The following DCTN5 variants were observed in gnomAD, a reference collection of about 807,000 sequenced individuals.
DCTN5 encodes dynactin subunit 5.
DCTN5 carries 14 observed loss-of-function variants against 23.5 expected under a neutral mutation model. The ratio of observed to expected loss-of-function variants is 0.60; its 90% CI spans 0.39 to 0.93. The LOEUF is 0.93. Among genes scored for constraint, DCTN5 ranks in the 40% least tolerant of loss-of-function variants. The pLI is 0.00. For missense variants in DCTN5, 156 were observed against 225.9 expected (o/e 0.69, Z 1.98); for synonymous variants, 67 against 79.6 (o/e 0.84, Z 0.84).
Position 23,668,946 on chromosome 16 carries a change from C to T in DCTN5, c.*1802C>T, listed in dbSNP as rs754338324. ...AATCCAGTCTGGGTCATGACCTTTT[C>T]TTCATCCAAAACAAGGTGATGGGAA... is the stretch of plus-strand genomic sequence containing the variant. On this transcript the variant is annotated 3_prime_UTR_variant, in exon 6 of 6. Coordinates refer to ENST00000300087, the MANE Select transcript of DCTN5 (RefSeq NM_032486.4). 1 of 152,596 alleles carries T rather than the reference C, an allele frequency of 6.6e-6. No individual in the cohort carries two copies. Among genetic ancestry groups the T allele is most frequent in the Non-Finnish European group, 1.5e-5 (1 of 68,046 alleles). The allele number at this position is 152,596 out of a possible 1,614,324, so 9.5% of individuals were successfully genotyped here.
At chr16:23,662,141 C>A (rs1967824476) in intron 4 of DCTN5, among the ~76,000 whole-genome samples, 1 of 151,932 alleles carries the variant, frequency 6.6e-6, no homozygotes. Flanking sequence ...TGATTATTAG[C>A]CATGCTGCTA....
rs908629416 is a variant in DCTN5, at chr16:23,668,787, T to A, written c.*1643T>A. 1.3e-5 allele frequency: 2 copies of A among 152,174 alleles called. No individual in the cohort carries two copies. The highest frequency in any genetic ancestry group is 2.9e-5 in the Non-Finnish European group (2 of 68,022). The allele number at this position is 152,174 out of a possible 1,614,324, so 9.4% of individuals were successfully genotyped here. The stretch of plus-strand genomic sequence containing the variant: ...AGCTCCAGACCTGCATCCTCCTAGC[T>A]TGGGGGCTCTGAATGAAAGGTTTCT... On this transcript the variant is annotated 3_prime_UTR_variant, in exon 6 of 6. Transcript: ENST00000300087.
Position 23,677,385 on chromosome 16 carries a change from T to C in DCTN5, c.*10241T>C, listed in dbSNP as rs1190788698. 6.6e-6 allele frequency: 1 copy of C among 152,244 alleles called. No homozygotes were observed. Among genetic ancestry groups the C allele is most frequent in the African/African-American group, 2.4e-5 (1 of 41,464 alleles). 9.4% of individuals were successfully genotyped at this position (152,244 alleles called of 1,614,324 possible). On this transcript the variant is annotated 3_prime_UTR_variant, in exon 6 of 6. Coordinates refer to ENST00000300087, the MANE Select transcript of DCTN5 (RefSeq NM_032486.4). ...TTCAGTTTGTGAAAATTCACTGAGC[T>C]CTATGAACAATTATAATATGTACAT...
At chr16:23,646,646 G>A (rs747688561) in intron 2 of DCTN5, among the ~76,000 whole-genome samples, 6 of 151,008 alleles carry the variant, frequency 4.0e-5, no homozygotes, top group Non-Finnish European at 5.9e-5. Flanking sequence ...GTGCAATCTC[G>A]GCTCACTGCA....
chr16:23,661,830 T>C (rs543827382), intron 4 of DCTN5, among the ~76,000 whole-genome samples: 10 of 152,234 alleles, frequency 6.6e-5, no homozygotes, highest in African/African-American at 2.2e-4. Flanking sequence ...TTAAACTCTT[T>C]CCTTTGATGA....
At position 23,672,625 on chromosome 16, in the gene DCTN5, T is replaced by C. The variant is rs1199167553; in HGVS notation, c.*5481T>C. 6.6e-6 allele frequency: 1 copy of C among 151,682 alleles called. No homozygotes were observed. Among genetic ancestry groups the C allele is most frequent in the African/African-American group, 2.4e-5 (1 of 41,222 alleles). 9.4% of individuals were successfully genotyped at this position (151,682 alleles called of 1,614,324 possible). A position where few individuals can be genotyped will look rare whatever the true frequency, so the allele number is the denominator to read the frequency against. On this transcript the variant is annotated 3_prime_UTR_variant, in exon 6 of 6. Transcript: ENST00000300087. ...TGGGTGTAGTTGGGAGTCAGCAGAG[T>C]TGGGTTGGAATTCAAGCTTTGCCAC...
At chr16:23,659,710 A>G (rs1250542403) in intron 3 of DCTN5, among the ~76,000 whole-genome samples, 1 of 152,248 alleles carries the variant, frequency 6.6e-6, no homozygotes, top group African/African-American at 2.4e-5. Context: ...CACATTTCCA[A>G]TAATGATGTT....
intron 2 of DCTN5, among the ~76,000 whole-genome samples, chr16:23,649,911 C>G (rs546199990): frequency 3.1e-4 from 47 of 150,454 alleles, no homozygotes; most frequent in Admixed American, 1.6e-3. Context: ...GGGTCTACTT[C>G]TGCTTATGGA....
intron 5 of DCTN5, chr16:23,666,440 T>C (rs1967907688): frequency 6.5e-6 from 1 of 153,284 alleles, no homozygotes; most frequent in Non-Finnish European, 1.5e-5. Context: ...TTCCAAATTA[T>C]AAAGCTTGAG....
In DCTN5 at chr16:23,674,310, C is replaced by T. The variant is rs1968057633; in HGVS notation, c.*7166C>T. 1.3e-5 allele frequency: 2 copies of T among 152,188 alleles called. No individual in the cohort carries two copies. Among genetic ancestry groups the T allele is most frequent in the African/African-American group, 2.4e-5 (1 of 41,438 alleles). 9.4% of individuals were successfully genotyped at this position (152,188 alleles called of 1,614,324 possible). On this transcript the variant is annotated 3_prime_UTR_variant, in exon 6 of 6. Coordinates refer to ENST00000300087, the MANE Select transcript of DCTN5 (RefSeq NM_032486.4). The stretch of plus-strand genomic sequence containing the variant: ...AAAAGGGCTTATTCTCTAATGGGAC[C>T]ATCTAAGATCAAGCTGCTGATAGGC...
At chr16:23,656,087 G>A (rs532759270) in intron 2 of DCTN5, among the ~76,000 whole-genome samples, 2 of 152,244 alleles carry the variant, frequency 1.3e-5, no homozygotes, top group Admixed American at 6.5e-5. Flanking sequence ...AATTAGCCAG[G>A]TCTAGTGGCA....
At chr16:23,643,215 A>T in intron 2 of DCTN5, among the ~76,000 whole-genome samples, 192 bp downstream of exon 2, 1 of 149,186 alleles carries the variant, frequency 6.7e-6, no homozygotes, top group Non-Finnish European at 1.5e-5. Context: ...TTTTTTTGAG[A>T]CAGTCTCACT....
At chr16:23,649,900 G>A (rs991486299) in intron 2 of DCTN5, among the ~76,000 whole-genome samples, 1 of 151,786 alleles carries the variant, frequency 6.6e-6, no homozygotes, top group Non-Finnish European at 1.5e-5. Context: ...TGACAGGTGT[G>A]GGGTCTACTT....
chr16:23,645,092 TA>T (rs1967401142), intron 2 of DCTN5, among the ~76,000 whole-genome samples: 5 of 13,918 alleles, frequency 3.6e-4, no homozygotes, highest in African/African-American at 8.8e-4. Flanking sequence ...ACTATATATA[TA>T]TATATATATA....
intron 4 of DCTN5, among the ~76,000 whole-genome samples, chr16:23,662,380 T>C (rs887670567): frequency 2.6e-5 from 4 of 152,128 alleles, no homozygotes; most frequent in African/African-American, 9.7e-5. Flanking sequence ...TAGGAATAGG[T>C]TGATTTAACC....
intron 4 of DCTN5, among the ~76,000 whole-genome samples, chr16:23,663,576 C>T (rs1013075574): frequency 6.6e-6 from 1 of 152,026 alleles, no homozygotes; most frequent in Non-Finnish European, 1.5e-5. Flanking sequence ...ATTAACTGGG[C>T]ATGGTAGCAC....
rs1324537966 is a variant in DCTN5 at position 23,657,808 on chromosome 16, T to G, written c.118-699T>G. ...ATATCCTCTAGGAAAAATGTCTAAG[T>G]TTCTGTGCTTAGCATACATAATTCC... On this transcript the variant is annotated intron_variant, in intron 2 of 5. Transcript: ENST00000300087. 4.3e-4 allele frequency among the ~76,000 whole-genome samples: 66 copies of G among 152,210 alleles called. 1 individual carries two copies. The highest frequency in any genetic ancestry group is 2.9e-5 in the Non-Finnish European group (2 of 68,024).
At chr16:23,651,169 C>A in intron 2 of DCTN5, 1 of 1,116,710 alleles carries the variant, frequency 9.0e-7, no homozygotes, top group Non-Finnish European at 1.1e-6. Flanking sequence ...AAGTATAGTC[C>A]TTCAACCTCC....
intron 2 of DCTN5, chr16:23,650,781 G>C (rs748171385): frequency 3.5e-5 from 54 of 1,534,052 alleles, no homozygotes; most frequent in Non-Finnish European, 4.6e-5. Flanking sequence ...GTTTTCCTGA[G>C]CCCATATATC....
Sources: allele counts gnomAD v4.1 joint callset (sites outside exome capture counted in the v4.1 genomes callset), GRCh38; gene constraint gnomAD v4.1.1; transcripts MANE v1.5; gene names NCBI Gene and HGNC (gene_info 2026-07-23, HGNC 2026-07-21).